Variants in CFAP70 observed in about 807,000 individuals in gnomAD.
The protein encoded by CFAP70 is cilia and flagella associated protein 70, also known as cilia- and flagella-associated protein 70.
In CFAP70, 81 loss-of-function variants were observed where a neutral mutation model predicts 137.6. That is an observed-to-expected ratio of 0.59 (90% CI 0.49 to 0.71). CFAP70 has a LOEUF of 0.71. Among genes scored for constraint, CFAP70 ranks in the 30% least tolerant of loss-of-function variants. The pLI is 0.00. For missense variants in CFAP70, 976 were observed against 1,226.7 expected, an observed-to-expected ratio of 0.80 and a Z score of 3.05; for synonymous variants, 382 against 423.6, an observed-to-expected ratio of 0.90 and a Z score of 1.20.
exon 9 of CFAP70, chr10:73,323,081 T>C: frequency 6.2e-7 from 1 of 1,611,682 alleles, no homozygotes; most frequent in Non-Finnish European, 8.5e-7. Context: ...AAACGAAAGC[T>C]GAGCTTCTTC....
intron 9 of CFAP70, among the ~76,000 whole-genome samples, chr10:73,320,097 TTTTG>T (rs1395841869): frequency 1.3e-5 from 2 of 152,212 alleles, no homozygotes; most frequent in South Asian, 2.1e-4. Flanking sequence ...TACATTTTAA[TTTTG>T]TTTATGAAGG....
chr10:73,330,451 A>AC (rs2132294377), intron 8 of CFAP70, among the ~76,000 whole-genome samples: 1 of 107,006 alleles, frequency 9.3e-6, no homozygotes, highest in South Asian at 3.4e-4. Context: ...CTCCATCACA[A>AC]AAAAAAAAAA....
chr10:73,349,689 T>C (rs919566785), intron 3 of CFAP70, among the ~76,000 whole-genome samples: 2 of 152,260 alleles, frequency 1.3e-5, no homozygotes, highest in Non-Finnish European at 2.9e-5. Flanking sequence ...CATTACTCTG[T>C]GTGCTTAACA....
chr10:73,313,725 C>T lies in CFAP70; in HGVS notation c.913-1082G>A, dbSNP rs2050122693. On this transcript the variant is annotated intron_variant, in intron 9 of 26. Transcript: ENST00000310715. ...GGGTGTGGTTGCATGCAGCTGTAAT[C>T]CTAGCTATTGGGAAGGCTGAGGCAG... Among the ~76,000 whole-genome samples the T allele has an allele frequency of 2.6e-5, 4 of 151,618 alleles. No individual in the cohort carries two copies. In the South Asian group the frequency reaches 8.4e-4, roughly 32 times the overall value.
chr10:73,328,691 A>G (rs1425990080), intron 8 of CFAP70, among the ~76,000 whole-genome samples: 1 of 144,964 alleles, frequency 6.9e-6, no homozygotes, highest in Non-Finnish European at 1.5e-5. Context: ...ACATGAACAG[A>G]CACTTCTCAA....
chr10:73,269,630 G>A (rs971054869), exon 25 of CFAP70: 33 of 1,612,564 alleles, frequency 2.0e-5, no homozygotes, highest in African/African-American at 4.0e-5. Flanking sequence ...GCAGACCAGA[G>A]CCAGATATGC....
At chr10:73,279,434 G>C (rs1362876817) in intron 19 of CFAP70, among the ~76,000 whole-genome samples, 2 of 151,850 alleles carry the variant, frequency 1.3e-5, no homozygotes, top group East Asian at 3.9e-4. Flanking sequence ...TGAGGCAGGA[G>C]AATGGCGTGA....
At chr10:73,337,868 T>G (rs943493086) in intron 6 of CFAP70, among the ~76,000 whole-genome samples, 1 of 152,106 alleles carries the variant, frequency 6.6e-6, no homozygotes, top group African/African-American at 2.4e-5. Context: ...ATCGGGCCAT[T>G]GCACTCCAGC....
chr10:73,278,037 A>T (rs760618112), intron 20 of CFAP70, 142 bp downstream of exon 21: 15 of 700,648 alleles, frequency 2.1e-5, no homozygotes, highest in Non-Finnish European at 3.3e-5. Flanking sequence ...GCTTACTGAG[A>T]GAGTTACACC....
intron 25 of CFAP70, among the ~76,000 whole-genome samples, chr10:73,265,104 T>A (rs1471493862): frequency 6.6e-6 from 1 of 152,172 alleles, no homozygotes; most frequent in African/African-American, 2.4e-5. Flanking sequence ...GATGGGCGGA[T>A]CACGAGGTCA....
In CFAP70 at chr10:73,348,239, C is replaced by T; in HGVS notation, c.349+184G>A. The T allele has an allele frequency of 3.7e-6, 6 of 1,614,080 alleles. No homozygotes were observed. Among genetic ancestry groups the T allele is most frequent in the Non-Finnish European group, 5.1e-6 (6 of 1,180,004 alleles). The stretch of plus-strand genomic sequence containing the variant: ...GTTGTTTGAAATGAACTCTGTCCTG[C>T]AAAAAGAAGCCCAAGTTGAGCCAAA... On this transcript the variant is annotated intron_variant, in intron 4 of 26. Coordinates refer to ENST00000310715, the Ensembl canonical transcript of CFAP70.
intron 2 of CFAP70, 36 bp downstream of exon 2, chr10:73,354,698 C>T: frequency 6.3e-7 from 1 of 1,595,604 alleles, no homozygotes; most frequent in Non-Finnish European, 8.6e-7. Flanking sequence ...TACTCCCAAA[C>T]TAAGGATTTT....
At chr10:73,361,498 C>G (rs551006124), upstream of CFAP70, among the ~76,000 whole-genome samples, 1 of 151,912 alleles carries the variant, frequency 6.6e-6, no homozygotes, top group African/African-American at 2.4e-5. Flanking sequence ...TTCTTTTTGA[C>G]TGATTTAAAA....
At chr10:73,316,705 A>G (rs949030722) in intron 9 of CFAP70, among the ~76,000 whole-genome samples, 5 of 151,790 alleles carry the variant, frequency 3.3e-5, no homozygotes, top group African/African-American at 9.7e-5. Flanking sequence ...TTGCTCTGCT[A>G]TAGCTCCATT....
At chr10:73,267,984 A>G (rs1320437802) in intron 25 of CFAP70, among the ~76,000 whole-genome samples, 1 of 152,196 alleles carries the variant, frequency 6.6e-6, no homozygotes, top group African/African-American at 2.4e-5. Flanking sequence ...TTATGTTTCA[A>G]ATCTGACATC....
chr10:73,324,144 G>C (rs1483368031), intron 8 of CFAP70, among the ~76,000 whole-genome samples: 4 of 152,222 alleles, frequency 2.6e-5, no homozygotes, highest in Admixed American at 1.3e-4. Flanking sequence ...AAAACTTCCA[G>C]AGGAACGATC....
intron 12 of CFAP70, among the ~76,000 whole-genome samples, chr10:73,307,002 A>C (rs574023916): frequency 1.3e-5 from 2 of 152,302 alleles, no homozygotes; most frequent in African/African-American, 4.8e-5. Context: ...TGACAAATGC[A>C]TAAAATAATA....
At chr10:73,327,956 A>C (rs989999984) in intron 8 of CFAP70, among the ~76,000 whole-genome samples, 3 of 152,160 alleles carry the variant, frequency 2.0e-5, no homozygotes, top group African/African-American at 7.2e-5. Flanking sequence ...TCAAGCTACC[A>C]ATGACTTTCT....
At chr10:73,336,072 T>C (rs1589535611) in intron 6 of CFAP70, among the ~76,000 whole-genome samples, 2 of 150,254 alleles carry the variant, frequency 1.3e-5, no homozygotes, top group African/African-American at 4.9e-5. Context: ...GCCTAGGAGG[T>C]TGAGGCTACA....
Sources: gnomAD v4.1 joint callset for allele counts (sites outside exome capture counted in the v4.1 genomes callset) on GRCh38, gnomAD v4.1.1 for gene constraint, MANE v1.5 for transcripts, NCBI Gene and HGNC (gene_info 2026-07-23, HGNC 2026-07-21) for gene names.